CCDC178: variants seen among roughly 807,000 people sequenced by gnomAD.
CCDC178 encodes the protein coiled-coil domain-containing protein 178.
A neutral mutation model predicts 117.4 loss-of-function variants in CCDC178; 126 were observed. The ratio of observed to expected loss-of-function variants is 1.07; its 90% CI spans 0.93 to 1.24. CCDC178 has a LOEUF of 1.24. CCDC178 is among the 50% of genes most tolerant of loss of function. CCDC178 has a pLI of 0.00. For synonymous variants in CCDC178, 283 were observed against 313.4 expected (o/e 0.90, Z 1.02); for missense variants, 1,030 against 986.9 (o/e 1.04, Z -0.59).
At chr18:33,397,075 T>C (rs1298668641) in intron 4 of CCDC178, 74 bp downstream of exon 4, 1 of 935,068 alleles carries the variant, frequency 1.1e-6, no homozygotes, top group Non-Finnish European at 1.7e-6. Flanking sequence ...ATTTTCATGC[T>C]TATAATTTTT....
chr18:33,377,985 G>C (rs923822761), intron 5 of CCDC178, among the ~76,000 whole-genome samples: 1 of 152,184 alleles, frequency 6.6e-6, no homozygotes, highest in Non-Finnish European at 1.5e-5. Context: ...TGTAAAAAAT[G>C]ACATTGGTAA....
intron 20 of CCDC178, among the ~76,000 whole-genome samples, chr18:33,106,665 A>AC (rs1313447403): frequency 1.3e-5 from 2 of 151,730 alleles, no homozygotes; most frequent in African/African-American, 2.4e-5. Flanking sequence ...ATGCTATGCT[A>AC]CATGGCAAAG....
intron 11 of CCDC178, among the ~76,000 whole-genome samples, chr18:33,300,587 A>T (rs1270307144): frequency 6.6e-6 from 1 of 152,198 alleles, no homozygotes; most frequent in Non-Finnish European, 1.5e-5. Context: ...TCAGATGTAA[A>T]TGAGGAAGCT....
intron 22 of CCDC178, among the ~76,000 whole-genome samples, chr18:32,944,608 A>G (rs2054306069): frequency 6.6e-6 from 1 of 152,120 alleles, no homozygotes; most frequent in Non-Finnish European, 1.5e-5. Flanking sequence ...TTGCGTAGGC[A>G]CCATCTTCAT....
chr18:33,306,827 T>C lies in CCDC178; in HGVS notation c.1023-13515A>G, dbSNP rs73421827. Among the ~76,000 whole-genome samples the C allele has an allele frequency of 9.2e-3, 1,405 of 152,076 alleles. 17 individuals carry two copies. Among genetic ancestry groups the C allele is most frequent in the African/African-American group, 0.032 (1,320 of 41,482 alleles). ...GACTAGGTGAGAGGTAATTTAATCATTGGGGTGGTTTCCTTCATGATATTC... is the reference window on the plus strand; with the variant it reads ...GACTAGGTGAGAGGTAATTTAATCACTGGGGTGGTTTCCTTCATGATATTC... On this transcript the variant is annotated intron_variant, in intron 11 of 22. Transcript: ENST00000383096.
chr18:33,060,545 A>ATT lies in CCDC178; in HGVS notation c.2388+32214_2388+32215dup, dbSNP rs112905981. Among the ~76,000 whole-genome samples, 234 of 148,886 alleles carry ATT rather than the reference A, an allele frequency of 1.6e-3. 2 individuals are homozygous for ATT. The highest frequency in any genetic ancestry group is 4.5e-3 in the African/African-American group (185 of 40,904). On this transcript the variant is annotated intron_variant, in intron 21 of 22. Coordinates refer to ENST00000383096, the MANE Select transcript of CCDC178 (RefSeq NM_001105528.4). ...TTGTACTTTTTAAAATTAAAATTAC[A>ATT]TTTTTTTTTTTAATTTTTAGTTTCT...
In CCDC178 at chr18:33,103,908, C is replaced by T. The variant is rs1419058108; in HGVS notation, c.2239-10998G>A. ...GCTAAGTAAACTGTGAAGGACTCTA[C>T]AGTGATGAGAAGAAATGGACTAGAC... is the stretch of plus-strand genomic sequence containing the variant. On this transcript the variant is annotated intron_variant, in intron 20 of 22. Transcript: ENST00000383096. 2.6e-5 allele frequency among the ~76,000 whole-genome samples: 4 copies of T among 151,802 alleles called. No homozygotes were observed. In the East Asian group the frequency reaches 7.8e-4, roughly 30 times the overall value.
chr18:33,201,557 A>T (rs1450261602), intron 20 of CCDC178, among the ~76,000 whole-genome samples: 1 of 152,222 alleles, frequency 6.6e-6, no homozygotes, highest in African/African-American at 2.4e-5. Flanking sequence ...AGGCTCTGCC[A>T]GCCTGGAGCA....
At chr18:33,091,557 A>C (rs1309618866) in intron 21 of CCDC178, among the ~76,000 whole-genome samples, 1 of 151,562 alleles carries the variant, frequency 6.6e-6, no homozygotes, top group South Asian at 2.1e-4. Flanking sequence ...GGCTGGTCTC[A>C]AACTCCTGAC....
At chr18:33,230,616 A>AT (rs887285796) in intron 15 of CCDC178, among the ~76,000 whole-genome samples, 1 of 152,158 alleles carries the variant, frequency 6.6e-6, no homozygotes, top group East Asian at 1.9e-4. Context: ...AAAAGATGTT[A>AT]TTTTTTAAAA....
chr18:32,969,010 A>G (rs111645576), intron 22 of CCDC178, among the ~76,000 whole-genome samples: 1 of 152,010 alleles, frequency 6.6e-6, no homozygotes, highest in Non-Finnish European at 1.5e-5. Context: ...TGGCAAAGCA[A>G]CCAGTGAATG....
intron 6 of CCDC178, 26 bp downstream of exon 6, chr18:33,370,024 A>G: frequency 6.6e-7 from 1 of 1,519,116 alleles, no homozygotes; most frequent in South Asian, 1.3e-5. Context: ...TTACCAAAAT[A>G]TCAGCATTTT....
chr18:33,357,190 C>T (rs994621878), intron 6 of CCDC178, among the ~76,000 whole-genome samples: 2 of 152,048 alleles, frequency 1.3e-5, no homozygotes, highest in Non-Finnish European at 2.9e-5. Context: ...CTTCTGCCCC[C>T]CTAAAATGTA....
At chr18:33,272,155 C>T (rs4499312) in intron 12 of CCDC178, among the ~76,000 whole-genome samples, 10,396 of 151,190 alleles carry the variant, frequency 0.069, 547 homozygotes, top group African/African-American at 0.14. Context: ...AGAAATTTGA[C>T]AAAATACTGT....
intron 20 of CCDC178, among the ~76,000 whole-genome samples, chr18:33,175,352 A>T (rs2058652279): frequency 6.6e-6 from 1 of 151,612 alleles, no homozygotes; most frequent in Admixed American, 6.6e-5. Flanking sequence ...TTTTTTCTAG[A>T]TAAAGTTGTT....
At chr18:33,079,363 A>G (rs2057261952) in intron 21 of CCDC178, among the ~76,000 whole-genome samples, 1 of 152,186 alleles carries the variant, frequency 6.6e-6, no homozygotes, top group Non-Finnish European at 1.5e-5. Flanking sequence ...GGAGATAGGA[A>G]CCAGCAAACA....
chr18:33,251,912 C>A (rs568567325), intron 14 of CCDC178, among the ~76,000 whole-genome samples: 6 of 151,720 alleles, frequency 4.0e-5, no homozygotes, highest in African/African-American at 1.4e-4. Flanking sequence ...CTTTTCAAGT[C>A]ATAAAAACAC....
intron 22 of CCDC178, among the ~76,000 whole-genome samples, chr18:32,939,838 T>C (rs1210528290): frequency 6.6e-6 from 1 of 152,102 alleles, no homozygotes; most frequent in Admixed American, 6.6e-5. Context: ...AATGTTTGGG[T>C]CTTTATATAG....
At chr18:33,085,348 G>T (rs778004571) in intron 21 of CCDC178, among the ~76,000 whole-genome samples, 5 of 152,194 alleles carry the variant, frequency 3.3e-5, no homozygotes, top group Non-Finnish European at 7.4e-5. Context: ...CGGATCACGA[G>T]GTCAGGGGAT....
Sources: allele counts gnomAD v4.1 joint callset (sites outside exome capture counted in the v4.1 genomes callset), GRCh38; gene constraint gnomAD v4.1.1; transcripts MANE v1.5; gene names NCBI Gene and HGNC (gene_info 2026-07-23, HGNC 2026-07-21).